The following MYO1F variants were observed in gnomAD, a reference collection of about 807,000 sequenced individuals.
MYO1F encodes the protein myosin IF.
In MYO1F, 60 loss-of-function variants were observed where a neutral mutation model predicts 146.6. The ratio of observed to expected loss-of-function variants is 0.41; its 90% confidence interval spans 0.33 to 0.51. MYO1F has a LOEUF of 0.51. MYO1F is among the 20% of genes least tolerant of loss of function. MYO1F has a pLI of 0.25. For synonymous variants in MYO1F, 602 were observed against 602.1 expected (o/e 1.00, Z 0.00); for missense variants, 1,274 against 1,534.3 (o/e 0.83, Z 2.83).
At chr19:8,536,067 C>A (rs911807525) in intron 19 of MYO1F, among the ~76,000 whole-genome samples, 185 bp downstream of exon 19, 1 of 152,034 alleles carries the variant, frequency 6.6e-6, no homozygotes, top group Non-Finnish European at 1.5e-5. Flanking sequence ...CTCAATTTCT[C>A]TCTCAACCTC....
chr19:8,555,422 G>T, intron 2 of MYO1F: 4 of 466,914 alleles, frequency 8.6e-6, no homozygotes, highest in East Asian at 3.9e-5. Flanking sequence ...AACAGGGTTG[G>T]ATCCGGAATG....
At chr19:8,562,879 G>C (rs2041931601) in intron 1 of MYO1F, among the ~76,000 whole-genome samples, 1 of 152,132 alleles carries the variant, frequency 6.6e-6, no homozygotes, top group Non-Finnish European at 1.5e-5. Flanking sequence ...TCATGCCGGT[G>C]GTGGCGTTAA....
chr19:8,541,425 G>A (rs111510988), intron 15 of MYO1F, among the ~76,000 whole-genome samples: 1 of 87,926 alleles, frequency 1.1e-5, no homozygotes, highest in Non-Finnish European at 1.9e-5. Context: ...GTGTGTGTGT[G>A]TTTTTTTTTT....
At position 8,554,528 on chromosome 19, in the gene MYO1F, T is replaced by C; in HGVS notation, c.275A>G (p.Asn92Ser). 6.2e-7 allele frequency: 1 copy of C among 1,613,704 alleles called. No homozygotes were observed. Among genetic ancestry groups the C allele is most frequent in the Non-Finnish European group, 8.5e-7 (1 of 1,179,784 alleles). ...GTCGATAAGCATGTTCCGGTACATG[T>C]TGTCCGTGAGGGCGTAGATGTGCGG... is the stretch of plus-strand genomic sequence containing the variant. Reference protein sequence around the residue: ...NPPHIYALTDNMYRNMLIDCE... With the variant: ...NPPHIYALTDSMYRNMLIDCE... The change falls in exon 4 of 28, where the codon AAC becomes AGC. Residue 92 changes from asparagine to serine, a missense_variant. Physicochemically the swap from Asn to Ser is conservative, Grantham distance 46 (BLOSUM62 1). This residue lies in a region of MYO1F where 900 missense variants were observed against 1,155.1 expected (regional missense o/e 0.78). Coordinates refer to ENST00000644032, the MANE Select transcript of MYO1F (RefSeq NM_012335.4).
chr19:8,522,943 G>A, intron 25 of MYO1F, 114 bp from the exon 26 acceptor site: 5 of 935,176 alleles, frequency 5.3e-6, no homozygotes, highest in Non-Finnish European at 8.2e-6. Context: ...TCTCAACCCA[G>A]TGTGGTAAGG....
chr19:8,530,058 G>T lies in MYO1F; in HGVS notation c.2328+138C>A. 1 of 1,211,684 alleles carries T rather than the reference G, an allele frequency of 8.3e-7. No homozygotes were observed. Among genetic ancestry groups the T allele is most frequent in the Non-Finnish European group, 1.2e-6 (1 of 828,484 alleles). 75.1% of individuals were successfully genotyped at this position (1,211,684 alleles called of 1,614,324 possible). A position where few individuals can be genotyped will look rare whatever the true frequency, so the allele number is the denominator to read the frequency against. ...TATGCCTGTGGGCAGGTGCATATGG[G>T]CCAGGTGAGGGTGTACCTGTGATGG... On this transcript the variant is annotated intron_variant, in intron 21 of 27. Coordinates refer to ENST00000644032, the MANE Select transcript of MYO1F (RefSeq NM_012335.4). This position sits in a 1 kb window ranked among gnomAD's most constrained non-coding sequence, Gnocchi z 5.8.
intron 1 of MYO1F, among the ~76,000 whole-genome samples, chr19:8,563,129 C>A (rs1028211796): frequency 1.3e-5 from 2 of 149,108 alleles, no homozygotes; most frequent in African/African-American, 4.9e-5. Flanking sequence ...GTAGCTGGGA[C>A]TACAGGCACC....
chr19:8,552,018 G>T lies in MYO1F; in HGVS notation c.636+15C>A. 1 of 1,613,764 alleles carries T rather than the reference G, an allele frequency of 6.2e-7. No individual in the cohort carries two copies. The highest frequency in any genetic ancestry group is 8.5e-7 in the Non-Finnish European group (1 of 1,179,904). ...TCCAGGTGGTGCTCCCTCTCCCCCG[G>T]CCCCTTCCCTGCACCTGGTAGTAGA... is the stretch of plus-strand genomic sequence containing the variant. On this transcript the variant is annotated intron_variant, in intron 7 of 27. Coordinates refer to ENST00000644032, the MANE Select transcript of MYO1F (RefSeq NM_012335.4).
In MYO1F at chr19:8,526,479, A is replaced by G; in HGVS notation, c.2744T>C (p.Val915Ala). The G allele has an allele frequency of 3.8e-6, 6 of 1,564,320 alleles. No individual in the cohort carries two copies. The highest frequency in any genetic ancestry group is 5.2e-6 in the Non-Finnish European group (6 of 1,154,460). The change falls in exon 24 of 28, where the codon GTG (valine) becomes GCG (alanine). Residue 915 changes from valine to alanine, a missense_variant. Around this residue, in one of 2 missense-constraint regions of MYO1F, gnomAD observed 374 missense variants for 379.2 expected, o/e 0.99. Transcript: ENST00000644032. ...GGAGCTCTTGGGCAGCCCATCGCCC[A>G]CGCTGACCGTGAGGGTCCGACCGCC... ...KVGGRTLTVS[V>A]GDGLPKSSKP...
rs773888828 is a variant in MYO1F at position 8,545,702 on chromosome 19, G to A, written c.1304C>T (p.Pro435Leu). ...GACCTTGTTGTTGAAGTACTGGATT[G>A]GAGTCCAGCGGATGCCTTCCTGCAC... is the stretch of plus-strand genomic sequence containing the variant. ...EYVQEGIRWT[P>L]IQYFNNKVVC... Residue 435 changes from proline to leucine, a missense_variant, in exon 13 of 28, where the codon CCA (proline) becomes CTA (leucine). Coordinates refer to ENST00000644032, the MANE Select transcript of MYO1F (RefSeq NM_012335.4). 6 of 1,613,946 alleles carry A rather than the reference G, an allele frequency of 3.7e-6. No individual in the cohort carries two copies. In the Admixed American group the frequency reaches 8.3e-5, roughly 22 times the overall value.
rs775887631 is a variant in MYO1F, at chr19:8,550,370, G to C, written c.905-14C>G. 1.4e-5 allele frequency: 22 copies of C among 1,606,206 alleles called. No homozygotes were observed. Among genetic ancestry groups the C allele is most frequent in the Non-Finnish European group, 1.5e-5 (18 of 1,176,500 alleles). ...GAAAGGCCAGGACTACCAGGGCAAA[G>C]GTCAGGGCAAAAATGGGACAGTTGG... is the stretch of plus-strand genomic sequence containing the variant. On this transcript the variant is annotated splice_polypyrimidine_tract_variant and intron_variant, in intron 9 of 27. Transcript: ENST00000644032.
At chr19:8,560,650 C>A (rs1974051896) in intron 1 of MYO1F, among the ~76,000 whole-genome samples, 1 of 152,014 alleles carries the variant, frequency 6.6e-6, no homozygotes, top group South Asian at 2.1e-4. Context: ...TCATGGCTCA[C>A]TGCAGCCTTG....
At chr19:8,576,268 G>T (rs2042237785) in intron 1 of MYO1F, among the ~76,000 whole-genome samples, 1 of 152,094 alleles carries the variant, frequency 6.6e-6, no homozygotes, top group Non-Finnish European at 1.5e-5. Flanking sequence ...TAAAATGCTG[G>T]GATTACAGGC....
Position 8,572,057 on chromosome 19 carries a change from G to C in MYO1F, c.3+5250C>G, listed in dbSNP as rs554200017. 2.3e-4 allele frequency among the ~76,000 whole-genome samples: 35 copies of C among 152,180 alleles called. No homozygotes were observed. In the South Asian group the frequency reaches 6.9e-3, roughly 30 times the overall value. On this transcript the variant is annotated intron_variant, in intron 1 of 27. Coordinates refer to ENST00000644032, the MANE Select transcript of MYO1F (RefSeq NM_012335.4). ...GGGGACCCTTGTCTTTCTGGAGCTG[G>C]GCTCTTTGTCTCGTCGCTGGAGATT...
chr19:8,553,914 T>TCTCTCTCTCTCG (rs1178542513), intron 4 of MYO1F, among the ~76,000 whole-genome samples: 5 of 135,686 alleles, frequency 3.7e-5, no homozygotes, highest in African/African-American at 1.3e-4. Flanking sequence ...TCTCTCTCTC[T>TCTCTCTCTCTCG]CTCTCTCTCG....
intron 1 of MYO1F, among the ~76,000 whole-genome samples, chr19:8,563,262 G>T (rs1420234287): frequency 2.0e-5 from 3 of 149,982 alleles, no homozygotes; most frequent in Non-Finnish European, 4.4e-5. Flanking sequence ...CAAAATGCTG[G>T]GATTATAGGC....
chr19:8,538,134 A>G (rs971906685), intron 16 of MYO1F, among the ~76,000 whole-genome samples: 4 of 145,220 alleles, frequency 2.8e-5, no homozygotes, highest in Admixed American at 2.1e-4. Flanking sequence ...TTTTTTTTAT[A>G]TATATATTTT....
In MYO1F at chr19:8,526,838, G is replaced by T. The variant is rs1192467364; in HGVS notation, c.2572C>A (p.Arg858Ser). 3 of 1,613,830 alleles carry T rather than the reference G, an allele frequency of 1.9e-6. No individual in the cohort carries two copies. The highest frequency in any genetic ancestry group is 1.1e-5 in the South Asian group (1 of 91,076). Residue 858 changes from arginine to serine, a missense_variant, in exon 23 of 28, where the codon CGC (arginine) becomes AGC (serine). Coordinates refer to ENST00000644032, the MANE Select transcript of MYO1F (RefSeq NM_012335.4). Reference protein sequence around the residue: ...KTEFVSLLCKRFEEATRRPLP... With the variant: ...KTEFVSLLCKSFEEATRRPLP... The stretch of plus-strand genomic sequence containing the variant: ...GGCCTCCGCGTCGCCTCCTCGAAGC[G>T]CTTGCACAGAAGGCTGACAAACTCG...
At chr19:8,523,045 T>A (rs1047197342) in intron 25 of MYO1F, among the ~76,000 whole-genome samples, 4 of 151,626 alleles carry the variant, frequency 2.6e-5, no homozygotes, top group Non-Finnish European at 5.9e-5. Flanking sequence ...CTTTTTTTTT[T>A]TTTTGAGATG....
Sources: gnomAD v4.1 joint callset for allele counts (sites outside exome capture counted in the v4.1 genomes callset) on GRCh38, gnomAD v4.1.1 for gene constraint, gnomAD v4.1.1 regional missense constraint, Gnocchi (gnomAD v3.1) non-coding constraint, MANE v1.5 for transcripts, NCBI Gene and HGNC (gene_info 2026-07-23, HGNC 2026-07-21) for gene names.